The following LINGO2 variants were observed in gnomAD, a reference collection of about 807,000 sequenced individuals.
The protein encoded by LINGO2 is leucine-rich repeat and immunoglobulin-like domain-containing nogo receptor-interacting protein 2.
A neutral mutation model predicts 30.6 loss-of-function variants in LINGO2; 14 were observed. The ratio of observed to expected loss-of-function variants is 0.46; its 90% CI spans 0.30 to 0.72. The LOEUF is 0.72. Among genes scored for constraint, LINGO2 ranks in the 30% least tolerant of loss-of-function variants. The pLI, the probability that LINGO2 is intolerant of heterozygous loss-of-function variation, is 0.07. For synonymous variants in LINGO2, 317 were observed against 288.5 expected (o/e 1.10, Z -1.00); for missense variants, 729 against 751.7 (o/e 0.97, Z 0.35).
chr9:29,059,636 A>C, the LINGO2 span, among the ~76,000 whole-genome samples: 1 of 151,916 alleles, frequency 6.6e-6, no homozygotes, highest in African/African-American at 2.4e-5. Context: ...TAAAAAAAGG[A>C]GAGTTTTTTA....
chr9:28,575,319 A>G (rs982629861), intron 1 of LINGO2, among the ~76,000 whole-genome samples: 1 of 151,866 alleles, frequency 6.6e-6, no homozygotes. Context: ...GAATTGCTTG[A>G]ACCTCGGCGG....
At chr9:29,209,038 T>C in the LINGO2 span, among the ~76,000 whole-genome samples, 1 of 152,174 alleles carries the variant, frequency 6.6e-6, no homozygotes, top group South Asian at 2.1e-4. Context: ...TAAAATATGA[T>C]ACTTATTTCT....
At chr9:29,114,276 A>G in the LINGO2 span, among the ~76,000 whole-genome samples, 1 of 151,740 alleles carries the variant, frequency 6.6e-6, no homozygotes, top group African/African-American at 2.4e-5. Flanking sequence ...ATTGAGTGAA[A>G]GTACCACGGC....
chr9:28,993,606 G>A, the LINGO2 span, among the ~76,000 whole-genome samples: 9 of 150,416 alleles, frequency 6.0e-5, no homozygotes, highest in African/African-American at 9.7e-5. Flanking sequence ...ACATCAATGC[G>A]AAAATCCTCA....
chr9:29,025,476 G>A, the LINGO2 span, among the ~76,000 whole-genome samples: 2 of 152,014 alleles, frequency 1.3e-5, no homozygotes, highest in Admixed American at 1.3e-4. Context: ...TGATTTCCAA[G>A]ACAATATTCT....
At chr9:28,778,772 G>C in the LINGO2 span, among the ~76,000 whole-genome samples, 1 of 152,146 alleles carries the variant, frequency 6.6e-6, no homozygotes, top group Non-Finnish European at 1.5e-5. Flanking sequence ...CTCTCTGATA[G>C]CTAAAATAGG....
At chr9:28,885,450 T>C in the LINGO2 span, among the ~76,000 whole-genome samples, 5 of 99,870 alleles carry the variant, frequency 5.0e-5, no homozygotes, top group Non-Finnish European at 1.1e-4. Context: ...TATACACACA[T>C]ATATACATAC....
the LINGO2 span, among the ~76,000 whole-genome samples, chr9:28,684,621 T>G: frequency 1.3e-5 from 2 of 150,184 alleles, no homozygotes; most frequent in African/African-American, 4.9e-5. Context: ...CAGGTTCAAG[T>G]GATTCTCCTG....
chr9:28,712,653 G>C, the LINGO2 span, among the ~76,000 whole-genome samples: 8 of 151,574 alleles, frequency 5.3e-5, no homozygotes, highest in African/African-American at 1.9e-4. Flanking sequence ...ATGTAGAATA[G>C]AGACTGGCAT....
intron 2 of LINGO2, among the ~76,000 whole-genome samples, chr9:28,415,824 G>T (rs575546578): frequency 6.6e-6 from 1 of 152,060 alleles, no homozygotes; most frequent in Admixed American, 6.6e-5. Flanking sequence ...ATAGTGGCTG[G>T]CACATAGTAA....
the LINGO2 span, among the ~76,000 whole-genome samples, chr9:29,198,409 A>G: frequency 1.3e-5 from 2 of 152,096 alleles, no homozygotes; most frequent in Non-Finnish European, 2.9e-5. Flanking sequence ...CAGGGGTGGG[A>G]AATTGTTGAG....
At chr9:29,019,122 T>A in the LINGO2 span, among the ~76,000 whole-genome samples, 1 of 152,132 alleles carries the variant, frequency 6.6e-6, no homozygotes, top group Admixed American at 6.6e-5. Flanking sequence ...AAATATAAAA[T>A]AATCTGATAC....
chr9:28,047,569 A>C (rs1824482348), intron 4 of LINGO2, among the ~76,000 whole-genome samples: 1 of 150,882 alleles, frequency 6.6e-6, no homozygotes, highest in African/African-American at 2.5e-5. Context: ...TCTACTATTT[A>C]ACAACCATGT....
At chr9:28,374,787 C>T (rs1239593792) in intron 2 of LINGO2, among the ~76,000 whole-genome samples, 1 of 152,096 alleles carries the variant, frequency 6.6e-6, no homozygotes, top group African/African-American at 2.4e-5. Context: ...AATTGAGTCT[C>T]ACAAAAGTCA....
In LINGO2 at chr9:28,555,482, A is replaced by C. The variant is rs368825774; in HGVS notation, c.-364-79457T>G. On this transcript the variant is annotated intron_variant, in intron 1 of 5. Coordinates refer to ENST00000379992, the Ensembl canonical transcript of LINGO2. ...AATCTCTGAATAGACCAATAACAGG[A>C]TCTGAAATTGTGGCAATAATCAATA... is the stretch of plus-strand genomic sequence containing the variant. Among the ~76,000 whole-genome samples, 1,144 of 151,724 alleles carry C rather than the reference A, an allele frequency of 7.5e-3. 22 individuals carry two copies. The highest frequency in any genetic ancestry group is 0.026 in the African/African-American group (1,088 of 41,344).
chr9:29,047,503 C>T, the LINGO2 span, among the ~76,000 whole-genome samples: 1 of 152,040 alleles, frequency 6.6e-6, no homozygotes. Flanking sequence ...TATAGGAAGA[C>T]CCATAGTTAG....
intron 1 of LINGO2, among the ~76,000 whole-genome samples, chr9:28,510,384 C>G (rs1820323935): frequency 6.6e-6 from 1 of 151,724 alleles, no homozygotes; most frequent in Admixed American, 6.6e-5. Flanking sequence ...ATAAAGTAAT[C>G]TAAAAAAGAA....
At chr9:28,841,675 A>T in the LINGO2 span, among the ~76,000 whole-genome samples, 3 of 151,714 alleles carry the variant, frequency 2.0e-5, no homozygotes, top group Non-Finnish European at 2.9e-5. Context: ...GTGGGTTGGG[A>T]ATTGCAATTT....
chr9:28,851,240 TG>T, the LINGO2 span, among the ~76,000 whole-genome samples: 2 of 152,084 alleles, frequency 1.3e-5, no homozygotes, highest in African/African-American at 2.4e-5. Flanking sequence ...CATTCATTTC[TG>T]GAAGCTCTAG....
Sources: gnomAD v4.1 joint callset for allele counts (sites outside exome capture counted in the v4.1 genomes callset) on GRCh38, gnomAD v4.1.1 for gene constraint, MANE v1.5 for transcripts, NCBI Gene and HGNC (gene_info 2026-07-23, HGNC 2026-07-21) for gene names.